AMBP: variants seen among roughly 807,000 people sequenced by gnomAD.
AMBP encodes the protein protein AMBP.
In AMBP, 37 loss-of-function variants were observed where a neutral mutation model predicts 46.3. The observed-to-expected ratio is 0.80, with a 90% CI of 0.61 to 1.05. The LOEUF (loss-of-function observed/expected upper bound fraction) is 1.05, where lower values mean the gene tolerates loss of function less well. Ranked by LOEUF, AMBP falls within the 50% of genes least tolerant of loss-of-function variation. The pLI is 0.00. For synonymous variants in AMBP, 174 were observed against 175.9 expected, an observed-to-expected ratio of 0.99 and a Z score of 0.09; for missense variants, 475 against 461.2, an observed-to-expected ratio of 1.03 and a Z score of -0.27.
intron 3 of AMBP, among the ~76,000 whole-genome samples, chr9:114,074,525 CCAAA>C (rs1167646747): frequency 1.3e-5 from 2 of 152,206 alleles, no homozygotes; most frequent in Non-Finnish European, 2.9e-5. Context: ...ATCTATCTAG[CCAAA>C]CATTCATATA....
At position 114,060,551 on chromosome 9, in the gene AMBP, G is replaced by C. The variant is rs1846623770; in HGVS notation, c.1028-281C>G. Reference sequence around the variant, plus strand: ...GTCGTTATTATTAGGAGCAGTTGCTGTTAGCTGAGTACTAACTCCGCGTCA... The same window carrying C: ...GTCGTTATTATTAGGAGCAGTTGCTCTTAGCTGAGTACTAACTCCGCGTCA... On this transcript the variant is annotated intron_variant, in intron 9 of 9. Transcript: ENST00000265132. Among the ~76,000 whole-genome samples, 3 of 152,188 alleles carry C rather than the reference G, an allele frequency of 2.0e-5. No individual in the cohort carries two copies. In the South Asian group the frequency reaches 6.2e-4, roughly 32 times the overall value.
rs1846630692 is a variant in AMBP, at chr9:114,061,030, C to T, written c.922G>A (p.Val308Ile). ...AFIQLWAFDA[V>I]KGKCVLFPYG... is the part of the protein sequence containing the mutation. ...GGGAAGAGGACGCACTTCCCCTTGA[C>T]AGCATCAAATGCCCAGAGCTGGATG... is the stretch of plus-strand genomic sequence containing the variant. Residue 308 changes from valine (V) to isoleucine (I), a missense_variant, in exon 9 of 10, where the codon GTC becomes ATC. Val to Ile is a conservative substitution (Grantham distance 29, BLOSUM62 3). Coordinates refer to ENST00000265132, the MANE Select transcript of AMBP (RefSeq NM_001633.4). 1 of 1,614,266 alleles carries T rather than the reference C, an allele frequency of 6.2e-7. No homozygotes were observed. Among genetic ancestry groups the T allele is most frequent in the Non-Finnish European group, 8.5e-7 (1 of 1,180,052 alleles).
At chr9:114,064,527 CTT>C (rs994416845) in intron 6 of AMBP, among the ~76,000 whole-genome samples, 1 of 152,130 alleles carries the variant, frequency 6.6e-6, no homozygotes, top group African/African-American at 2.4e-5. Flanking sequence ...GTATTTCACT[CTT>C]TTGCAAGGGG....
chr9:114,060,276 GAC>G lies in AMBP; in HGVS notation c.1028-8_1028-7del, dbSNP rs758549994. 1 of 1,612,974 alleles carries G rather than the reference GAC, an allele frequency of 6.2e-7. No individual in the cohort carries two copies. Among genetic ancestry groups the G allele is most frequent in the African/African-American group, 1.3e-5 (1 of 74,908 alleles). On this transcript the variant is annotated splice_polypyrimidine_tract_variant and splice_region_variant and intron_variant, in intron 9 of 9. Coordinates refer to ENST00000265132, the MANE Select transcript of AMBP (RefSeq NM_001633.4). ...GCGCAGCAGCTCCTCATCACCTGTG[GAC>G]ACAGAGAGACTCAGGGAGGGGTCCG...
rs1232444383 is a variant in AMBP, at chr9:114,078,287, G to C, written c.-78C>G. ...AAGGGCCACCGCCTCCCTGCAACAG[G>C]GCAGCTGTGAACTGAGGCTGGGGAA... On this transcript the variant is annotated 5_prime_UTR_variant, in exon 1 of 10. Transcript: ENST00000265132. 7.1e-7 allele frequency: 1 copy of C among 1,403,288 alleles called. No individual in the cohort carries two copies. Among genetic ancestry groups the C allele is most frequent in the East Asian group, 2.3e-5 (1 of 43,532 alleles). The allele number at this position is 1,403,288 out of a possible 1,614,324, so 86.9% of individuals were successfully genotyped here. A position where few individuals can be genotyped will look rare whatever the true frequency, so the allele number is the denominator to read the frequency against.
chr9:114,061,231 G>T, intron 8 of AMBP, 133 bp from the exon 9 acceptor site: 1 of 1,391,814 alleles, frequency 7.2e-7, no homozygotes, highest in South Asian at 1.4e-5. Flanking sequence ...GGGAAACTGG[G>T]GCCCACAGGA....
chr9:114,069,558 C>G, intron 6 of AMBP, 141 bp downstream of exon 6: 2 of 786,544 alleles, frequency 2.5e-6, no homozygotes, highest in East Asian at 5.5e-5. Flanking sequence ...AGTCTGACTT[C>G]AACACTCATG....
intron 1 of AMBP, among the ~76,000 whole-genome samples, 187 bp downstream of exon 1, chr9:114,077,906 T>C (rs928053953): frequency 1.3e-5 from 2 of 152,182 alleles, no homozygotes; most frequent in African/African-American, 2.4e-5. Flanking sequence ...GTTTGACTCA[T>C]AGAATGTCAG....
At chr9:114,061,361 GGTTTACT>G in intron 8 of AMBP, 56 bp downstream of exon 8, 2 of 1,605,378 alleles carry the variant, frequency 1.2e-6, no homozygotes, top group Non-Finnish European at 1.7e-6. Context: ...ATTCGCAGGT[GGTTTACT>G]GGAGGGACAG....
intron 6 of AMBP, 68 bp from the exon 7 acceptor site, chr9:114,062,826 G>A (rs1846656057): frequency 1.4e-6 from 2 of 1,476,826 alleles, no homozygotes; most frequent in Non-Finnish European, 1.9e-6. Flanking sequence ...TGTACCCCTG[G>A]AATATATAAA....
intron 3 of AMBP, 108 bp from the exon 4 acceptor site, chr9:114,074,260 A>G (rs1381865319): frequency 1.3e-6 from 1 of 794,970 alleles, no homozygotes; most frequent in South Asian, 1.6e-5. Context: ...CCATCCATCT[A>G]TCCACCCATG....
At chr9:114,066,195 G>A (rs968287837) in intron 6 of AMBP, among the ~76,000 whole-genome samples, 3 of 152,186 alleles carry the variant, frequency 2.0e-5, no homozygotes, top group African/African-American at 7.2e-5. Context: ...CATTGTAACT[G>A]CATCACAGCT....
intron 8 of AMBP, 104 bp from the exon 9 acceptor site, chr9:114,061,202 C>G (rs1846633642): frequency 4.1e-6 from 6 of 1,454,774 alleles, no homozygotes; most frequent in Non-Finnish European, 5.6e-6. Context: ...TAGAACACCT[C>G]ATCCCTCGTT....
At chr9:114,073,509 T>G (rs899201825) in intron 4 of AMBP, among the ~76,000 whole-genome samples, 1 of 150,724 alleles carries the variant, frequency 6.6e-6, no homozygotes, top group African/African-American at 2.4e-5. Context: ...TTTTTTTTTT[T>G]TTTTTTGAGA....
At chr9:114,068,530 C>T (rs142070240) in intron 6 of AMBP, among the ~76,000 whole-genome samples, 126 of 151,896 alleles carry the variant, frequency 8.3e-4, no homozygotes, top group African/African-American at 1.7e-3. Flanking sequence ...CACTTGAACC[C>T]GGGAGGCGGA....
chr9:114,071,050 G>A (rs553598668), intron 5 of AMBP, among the ~76,000 whole-genome samples: 9 of 152,306 alleles, frequency 5.9e-5, no homozygotes, highest in Non-Finnish European at 1.2e-4. Context: ...GCCTCAGGCT[G>A]CAAAGGGGTG....
chr9:114,065,839 C>T (rs916349625), intron 6 of AMBP, among the ~76,000 whole-genome samples: 15 of 152,050 alleles, frequency 9.9e-5, no homozygotes, highest in African/African-American at 2.9e-4. Flanking sequence ...GAAGAAGAAG[C>T]AAGATGAAGA....
Position 114,076,633 on chromosome 9 carries a change from T to C in AMBP, c.225A>G (p.Thr75=). 4.3e-6 allele frequency: 7 copies of C among 1,614,042 alleles called. No individual in the cohort carries two copies. The highest frequency in any genetic ancestry group is 5.9e-6 in the Non-Finnish European group (7 of 1,179,988). Residue 75 remains threonine (T), a synonymous_variant, in exon 2 of 10, where the codon ACA becomes ACG. Coordinates refer to ENST00000265132, the MANE Select transcript of AMBP (RefSeq NM_001633.4). ...TGCTGGTCATGCTGATCTCCGCCTC[T>C]GTAGCGCCCTCTCCCAGCACCAGCG... ...VSTLVLGEGA[T]EAEISMTSTR...
intron 5 of AMBP, among the ~76,000 whole-genome samples, chr9:114,070,201 A>C (rs1045556708): frequency 2.0e-5 from 3 of 152,226 alleles, no homozygotes; most frequent in Non-Finnish European, 4.4e-5. Flanking sequence ...TGATGGCAGC[A>C]GTGGGCCATC....
Sources: gnomAD v4.1 joint callset for allele counts (sites outside exome capture counted in the v4.1 genomes callset) on GRCh38, gnomAD v4.1.1 for gene constraint, MANE v1.5 for transcripts, NCBI Gene and HGNC (gene_info 2026-07-23, HGNC 2026-07-21) for gene names.